Variants in ETFA observed in about 807,000 individuals in gnomAD.
ETFA encodes the protein electron transfer flavoprotein subunit alpha, mitochondrial.
A neutral mutation model predicts 46.2 loss-of-function variants in ETFA; 22 were observed. The ratio of observed to expected loss-of-function variants is 0.48; its 90% CI spans 0.34 to 0.68. ETFA has a LOEUF of 0.68. Among genes scored for constraint, ETFA ranks in the 30% least tolerant of loss-of-function variants. The probability of loss-of-function intolerance (pLI) is 0.01; values close to 1 mark genes in which losing one functional copy is unlikely to be tolerated. For missense variants in ETFA, 345 were observed against 401.1 expected, an observed-to-expected ratio of 0.86 and a Z score of 1.19; for synonymous variants, 131 against 139.9, an observed-to-expected ratio of 0.94 and a Z score of 0.45.
chr15:76,260,831 G>A, intron 9 of ETFA: 2 of 1,610,410 alleles, frequency 1.2e-6, no homozygotes, highest in Non-Finnish European at 1.7e-6. Context: ...GGCTGTAGCT[G>A]GTGGCAGGCA....
At chr15:76,225,456 T>A (rs1596188075) in intron 11 of ETFA, among the ~76,000 whole-genome samples, 1 of 151,030 alleles carries the variant, frequency 6.6e-6, no homozygotes, top group East Asian at 1.9e-4. Flanking sequence ...GCCCAGCTAA[T>A]TTTTTGTATT....
At chr15:76,229,012 T>A (rs2039035870) in intron 10 of ETFA, 1 of 152,382 alleles carries the variant, frequency 6.6e-6, no homozygotes, top group Non-Finnish European at 1.5e-5. Flanking sequence ...CGCCTCGGCC[T>A]CCCAAAGTGC....
Position 76,277,650 on chromosome 15 carries a change from G to C in ETFA, c.734-3156C>G, listed in dbSNP as rs148422068. On this transcript the variant is annotated intron_variant, in intron 8 of 11. Coordinates refer to ENST00000557943, the MANE Select transcript of ETFA (RefSeq NM_000126.4). ...CCCAAGTAGCTGAGACTACAGGTGC[G>C]TGCTGCCACGCCCAACTAATTTTTG... Among the ~76,000 whole-genome samples the C allele has an allele frequency of 7.3e-3, 1,107 of 152,218 alleles. 18 individuals carry two copies. Among genetic ancestry groups the C allele is most frequent in the African/African-American group, 0.025 (1,053 of 41,510 alleles).
At chr15:76,276,200 A>G (rs1466124860) in intron 8 of ETFA, among the ~76,000 whole-genome samples, 1 of 152,080 alleles carries the variant, frequency 6.6e-6, no homozygotes, top group African/African-American at 2.4e-5. Context: ...TTCCATTTTT[A>G]AAGGATAATT....
chr15:76,228,601 A>G (rs2039029517), intron 10 of ETFA, among the ~76,000 whole-genome samples: 2 of 152,170 alleles, frequency 1.3e-5, no homozygotes, highest in Non-Finnish European at 2.9e-5. Flanking sequence ...GATTATTAAA[A>G]TAATATTCCT....
chr15:76,303,902 C>T (rs1327776978), intron 1 of ETFA, among the ~76,000 whole-genome samples: 1 of 152,198 alleles, frequency 6.6e-6, no homozygotes, highest in East Asian at 1.9e-4. Context: ...TCTCAAAGAA[C>T]TTAGAACATT....
At chr15:76,255,411 T>C (rs892983880) in intron 9 of ETFA, among the ~76,000 whole-genome samples, 1 of 152,220 alleles carries the variant, frequency 6.6e-6, no homozygotes, top group African/African-American at 2.4e-5. Context: ...GAATCTTAAG[T>C]TATCATATTT....
At chr15:76,300,956 G>A (rs985997521) in intron 1 of ETFA, among the ~76,000 whole-genome samples, 40 of 152,138 alleles carry the variant, frequency 2.6e-4, no homozygotes, top group African/African-American at 4.6e-4. Context: ...CATTAGTACA[G>A]TTGCAGTGGT....
intron 9 of ETFA, among the ~76,000 whole-genome samples, chr15:76,252,876 T>TACACACACACACACACACAC (rs34804508): frequency 2.2e-4 from 32 of 147,566 alleles, no homozygotes; most frequent in African/African-American, 7.8e-4. Context: ...TGTATGTGTA[T>TACACACACACACACACACAC]ACACACACAC....
chr15:76,225,740 G>A (rs1241492467), intron 11 of ETFA, 109 bp downstream of exon 11: 2 of 808,720 alleles, frequency 2.5e-6, no homozygotes, highest in Non-Finnish European at 2.2e-6. Context: ...TACAAACACA[G>A]ACACACAAAC....
At chr15:76,306,471 G>A (rs555706792) in intron 1 of ETFA, among the ~76,000 whole-genome samples, 1 of 151,506 alleles carries the variant, frequency 6.6e-6, no homozygotes, top group African/African-American at 2.4e-5. Context: ...TCACCATGTT[G>A]GTCAGGCTAA....
chr15:76,300,523 G>A (rs1484677169), intron 1 of ETFA, among the ~76,000 whole-genome samples: 3 of 152,072 alleles, frequency 2.0e-5, no homozygotes, highest in African/African-American at 4.8e-5. Context: ...CCTAGTGCAG[G>A]CCATTATCCT....
At chr15:76,235,308 T>C (rs539197460) in intron 9 of ETFA, among the ~76,000 whole-genome samples, 39 of 152,302 alleles carry the variant, frequency 2.6e-4, no homozygotes, top group African/African-American at 9.1e-4. Flanking sequence ...AGGACTACCA[T>C]GTACAGCTGA....
At chr15:76,224,522 G>A (rs1382850835) in intron 11 of ETFA, among the ~76,000 whole-genome samples, 1 of 152,176 alleles carries the variant, frequency 6.6e-6, no homozygotes, top group Non-Finnish European at 1.5e-5. Flanking sequence ...CACTGAGCAT[G>A]AACATACTTC....
At chr15:76,287,758 G>T in intron 5 of ETFA, 88 bp downstream of exon 5, 1 of 1,010,098 alleles carries the variant, frequency 9.9e-7, no homozygotes, top group Non-Finnish European at 1.5e-6. Context: ...CAATTGTATG[G>T]TTTGATTTAA....
intron 9 of ETFA, among the ~76,000 whole-genome samples, chr15:76,270,075 C>T (rs1343902686): frequency 1.3e-5 from 2 of 152,136 alleles, no homozygotes; most frequent in Non-Finnish European, 2.9e-5. Flanking sequence ...GTCTAAAACA[C>T]CAAATGGTGA....
chr15:76,260,481 A>G, intron 9 of ETFA: 2 of 1,553,596 alleles, frequency 1.3e-6, no homozygotes, highest in Non-Finnish European at 1.8e-6. Context: ...AGAGACCACC[A>G]GTGGCTGACT....
At chr15:76,240,156 G>T (rs541113344) in intron 9 of ETFA, among the ~76,000 whole-genome samples, 1 of 152,290 alleles carries the variant, frequency 6.6e-6, no homozygotes, top group South Asian at 2.1e-4. Flanking sequence ...GTCAATATCT[G>T]GTTCCAAATA....
At chr15:76,295,936 C>CTTTTTTTGTTTTTTTTTTTTTTTTTTT (rs2039816685) in intron 1 of ETFA, among the ~76,000 whole-genome samples, 199 bp from the exon 2 acceptor site, 1 of 46,602 alleles carries the variant, frequency 2.1e-5, no homozygotes, top group Non-Finnish European at 4.2e-5. Flanking sequence ...CACTAATATT[C>CTTTTTTTGTTTTTTTTTTTTTTTTTTT]TTTTTTTTTT....
Sources: gnomAD v4.1 joint callset for allele counts (sites outside exome capture counted in the v4.1 genomes callset) on GRCh38, gnomAD v4.1.1 for gene constraint, MANE v1.5 for transcripts, NCBI Gene and HGNC (gene_info 2026-07-23, HGNC 2026-07-21) for gene names.